The following GRB14 variants were observed in gnomAD, a reference collection of about 807,000 sequenced individuals.
GRB14 encodes the protein growth factor receptor-bound protein 14.
Under a neutral mutation model 69.1 loss-of-function variants are expected in GRB14, and 38 were observed. The observed-to-expected ratio is 0.55, with a 90% CI of 0.42 to 0.72. The LOEUF is 0.72. GRB14 is among the 30% of genes least tolerant of loss of function. GRB14 has a pLI of 0.00. For missense variants in GRB14, 666 were observed against 666.1 expected, an observed-to-expected ratio of 1.00 and a Z score of 0.00; for synonymous variants, 247 against 241.3, an observed-to-expected ratio of 1.02 and a Z score of -0.22.
At chr2:164,493,663 A>T (rs559808649) in intron 13 of GRB14, among the ~76,000 whole-genome samples, 3 of 152,178 alleles carry the variant, frequency 2.0e-5, no homozygotes, top group Non-Finnish European at 4.4e-5. Context: ...TAAATCAGTG[A>T]AGTCTTCTGG....
intron 12 of GRB14, among the ~76,000 whole-genome samples, chr2:164,495,396 T>C (rs1275648255): frequency 7.7e-6 from 1 of 130,568 alleles, no homozygotes; most frequent in Non-Finnish European, 1.6e-5. Context: ...GCAAAATGCT[T>C]TAAGTAAAAA....
intron 8 of GRB14, 105 bp from the exon 9 acceptor site, chr2:164,502,440 TAAAGC>T: frequency 1.4e-6 from 1 of 714,116 alleles, no homozygotes; most frequent in South Asian, 2.1e-5. Context: ...TAAAAACAAT[TAAAGC>T]AAACAAGTAA....
At chr2:164,580,694 A>G (rs1386333351) in intron 2 of GRB14, among the ~76,000 whole-genome samples, 1 of 135,690 alleles carries the variant, frequency 7.4e-6, no homozygotes, top group Non-Finnish European at 1.6e-5. Context: ...ACAGAGCAAG[A>G]CTCCATCTCA....
intron 12 of GRB14, among the ~76,000 whole-genome samples, 175 bp from the exon 13 acceptor site, chr2:164,494,699 A>G (rs1265291779): frequency 2.6e-5 from 4 of 152,180 alleles, no homozygotes; most frequent in African/African-American, 9.6e-5. Flanking sequence ...TATAATCTGC[A>G]CTATAAAGCT....
intron 2 of GRB14, among the ~76,000 whole-genome samples, chr2:164,578,134 G>A (rs531283138): frequency 4.5e-4 from 69 of 152,210 alleles, no homozygotes; most frequent in African/African-American, 1.6e-3. Flanking sequence ...CCAGGAGGCT[G>A]AGGCAGGGGA....
In GRB14 at chr2:164,619,761, C is replaced by A. The variant is rs748331439; in HGVS notation, c.250G>T (p.Glu84Ter). Residue 84 changes from glutamate to a stop codon, truncating the protein, a stop_gained, in exon 2 of 14, where the codon GAG (glutamate) becomes TAG (stop). Transcript: ENST00000263915. LOFTEE classifies it high-confidence loss of function. ...GATGTAAATGGAGAACAGCATAGCT[C>A]AGGAAAAGGGTTTGGAATAGATGGC... ...EMPSIPNPFP[E>*]LCCSPFTSVL... 5.6e-6 allele frequency: 9 copies of A among 1,610,404 alleles called. No homozygotes were observed. The Admixed American group carries it at 8.4e-5, about 15-fold the overall frequency.
intron 2 of GRB14, among the ~76,000 whole-genome samples, chr2:164,605,686 A>T (rs1240232249): frequency 6.6e-6 from 1 of 152,238 alleles, no homozygotes; most frequent in Non-Finnish European, 1.5e-5. Context: ...GTAGGTCTTC[A>T]GGAATAAGGT....
intron 3 of GRB14, among the ~76,000 whole-genome samples, chr2:164,532,929 A>C (rs948991468): frequency 6.6e-6 from 1 of 152,106 alleles, no homozygotes; most frequent in African/African-American, 2.4e-5. Context: ...AGAGTTATTG[A>C]AGGAAACTGG....
chr2:164,514,921 G>T (rs1199485555), intron 6 of GRB14, among the ~76,000 whole-genome samples: 1 of 152,076 alleles, frequency 6.6e-6, no homozygotes, highest in Non-Finnish European at 1.5e-5. Flanking sequence ...AGCTGCGTGA[G>T]GCCTGTAACT....
At chr2:164,559,921 G>A (rs1162236204) in intron 2 of GRB14, among the ~76,000 whole-genome samples, 7 of 152,130 alleles carry the variant, frequency 4.6e-5, no homozygotes, top group Non-Finnish European at 8.8e-5. Flanking sequence ...TTTTACATCA[G>A]TGAAAGACAT....
At chr2:164,577,707 AT>A (rs1689286279) in intron 2 of GRB14, among the ~76,000 whole-genome samples, 1 of 152,192 alleles carries the variant, frequency 6.6e-6, no homozygotes, top group African/African-American at 2.4e-5. Context: ...TAGTTAGCCA[AT>A]TTTTAAAAAG....
At chr2:164,511,024 T>C (rs1687325711) in intron 6 of GRB14, among the ~76,000 whole-genome samples, 1 of 152,034 alleles carries the variant, frequency 6.6e-6, no homozygotes, top group African/African-American at 2.4e-5. Context: ...AAAACCGAAC[T>C]GAACTCAGCT....
chr2:164,536,303 T>A (rs1238317245), intron 3 of GRB14, among the ~76,000 whole-genome samples: 1 of 152,228 alleles, frequency 6.6e-6, no homozygotes, highest in African/African-American at 2.4e-5. Context: ...GTTAAGATAG[T>A]TGTAGAAACT....
intron 2 of GRB14, among the ~76,000 whole-genome samples, chr2:164,564,152 T>C (rs1352952882): frequency 6.6e-6 from 1 of 152,118 alleles, no homozygotes; most frequent in Non-Finnish European, 1.5e-5. Flanking sequence ...AGACAGCATT[T>C]GGGAAAGCAA....
chr2:164,494,871 C>T (rs1431034194), intron 12 of GRB14, among the ~76,000 whole-genome samples: 2 of 152,138 alleles, frequency 1.3e-5, no homozygotes, highest in Non-Finnish European at 2.9e-5. Context: ...ACTGTTTTGC[C>T]TAAAGATTAA....
intron 2 of GRB14, among the ~76,000 whole-genome samples, chr2:164,578,430 C>G (rs1256652666): frequency 6.7e-6 from 1 of 150,058 alleles, no homozygotes; most frequent in African/African-American, 2.5e-5. Flanking sequence ...AACTAATAAT[C>G]CAAATACAGA....
intron 3 of GRB14, among the ~76,000 whole-genome samples, chr2:164,543,580 A>G (rs1338838997): frequency 6.6e-6 from 1 of 152,212 alleles, no homozygotes; most frequent in African/African-American, 2.4e-5. Context: ...GCTGATCACT[A>G]AAGTTCTGGA....
intron 2 of GRB14, among the ~76,000 whole-genome samples, chr2:164,548,151 T>A (rs1688434081): frequency 6.6e-6 from 1 of 152,192 alleles, no homozygotes; most frequent in African/African-American, 2.4e-5. Context: ...CTACATCTCC[T>A]CATTTCCCTC....
chr2:164,531,864 C>A (rs1033161810), intron 3 of GRB14, among the ~76,000 whole-genome samples: 2 of 152,120 alleles, frequency 1.3e-5, no homozygotes, highest in African/African-American at 4.8e-5. Flanking sequence ...TATACCCTGC[C>A]CTTAAATAGA....
Sources: allele counts gnomAD v4.1 joint callset (sites outside exome capture counted in the v4.1 genomes callset), GRCh38; gene constraint gnomAD v4.1.1; transcripts MANE v1.5; gene names NCBI Gene and HGNC (gene_info 2026-07-23, HGNC 2026-07-21).